DCDC1: variants seen among roughly 807,000 people sequenced by gnomAD.
DCDC1 encodes the protein doublecortin domain-containing protein 1.
Under a neutral mutation model 178.3 loss-of-function variants are expected in DCDC1, and 200 were observed. That is an observed-to-expected ratio of 1.12 (90% CI 1.00 to 1.26). DCDC1 has a LOEUF of 1.26. Among genes scored for constraint, DCDC1 ranks in the 50% most tolerant of loss-of-function variants. The pLI is 0.00. For missense variants in DCDC1, 1,983 were observed against 1,749.2 expected (o/e 1.13, Z -2.38); for synonymous variants, 690 against 604.8 (o/e 1.14, Z -2.07).
intron 10 of DCDC1, among the ~76,000 whole-genome samples, chr11:31,137,066 T>C (rs978033400): frequency 4.6e-5 from 7 of 152,294 alleles, no homozygotes; most frequent in Admixed American, 2.6e-4. Flanking sequence ...AAAATTTTTG[T>C]TTTTCCTATG....
chr11:31,019,707 C>A (rs1952740615), intron 20 of DCDC1, among the ~76,000 whole-genome samples: 1 of 152,110 alleles, frequency 6.6e-6, no homozygotes. Flanking sequence ...AAATCAAATC[C>A]AAACTCTGCC....
At chr11:30,994,825 A>G (rs561623702) in intron 20 of DCDC1, among the ~76,000 whole-genome samples, 12 of 148,636 alleles carry the variant, frequency 8.1e-5, no homozygotes, top group East Asian at 7.8e-4. Flanking sequence ...ATCATACTCA[A>G]TGGTGAGAGA....
intron 20 of DCDC1, among the ~76,000 whole-genome samples, chr11:31,028,196 T>C (rs1953371631): frequency 6.6e-6 from 1 of 151,904 alleles, no homozygotes; most frequent in African/African-American, 2.4e-5. Flanking sequence ...CCTAAAAGCA[T>C]CTCAAAATAA....
chr11:31,338,128 C>T (rs1950362622), intron 1 of DCDC1, among the ~76,000 whole-genome samples: 1 of 152,132 alleles, frequency 6.6e-6, no homozygotes, highest in Non-Finnish European at 1.5e-5. Flanking sequence ...CTCTGATGAA[C>T]TAATCAAGGA....
At chr11:31,299,521 C>A (rs915081362) in intron 6 of DCDC1, among the ~76,000 whole-genome samples, 10 of 152,022 alleles carry the variant, frequency 6.6e-5, no homozygotes, top group African/African-American at 1.9e-4. Flanking sequence ...TTATAAAAGG[C>A]CTTGATTTTG....
chr11:30,895,333 C>T (rs758798835), intron 34 of DCDC1, among the ~76,000 whole-genome samples: 4 of 152,030 alleles, frequency 2.6e-5, no homozygotes, highest in Non-Finnish European at 4.4e-5. Flanking sequence ...TGGGCTGCAC[C>T]GGGAAAGCAC....
In DCDC1 at chr11:31,125,773, CA is replaced by C. The variant is rs537094354; in HGVS notation, c.1485+1695del. On this transcript the variant is annotated intron_variant, in intron 11 of 38. Coordinates refer to ENST00000684477, the MANE Select transcript of DCDC1 (RefSeq NM_001387274.1). ...GGGATCAACACACACTGGGGCCCAT[CA>C]GGGGCGGTTGGGTGGGGGGTAGAGC... Among the ~76,000 whole-genome samples, 603 of 152,122 alleles carry C rather than the reference CA, an allele frequency of 4.0e-3. 3 individuals carry two copies. Among genetic ancestry groups the C allele is most frequent in the African/African-American group, 0.014 (572 of 41,522 alleles).
At chr11:30,942,017 T>G (rs1358214245) in intron 21 of DCDC1, among the ~76,000 whole-genome samples, 1 of 152,082 alleles carries the variant, frequency 6.6e-6, no homozygotes, top group East Asian at 1.9e-4. Context: ...TAAGAAAAAT[T>G]TGAACTACAG....
intron 20 of DCDC1, among the ~76,000 whole-genome samples, chr11:30,953,235 A>G (rs981766594): frequency 1.6e-4 from 24 of 148,694 alleles, no homozygotes; most frequent in African/African-American, 4.4e-4. Flanking sequence ...TCGACCACAT[A>G]TTATATTAAT....
intron 8 of DCDC1, among the ~76,000 whole-genome samples, chr11:31,257,404 C>T (rs2137038574): frequency 6.6e-6 from 1 of 152,180 alleles, no homozygotes; most frequent in South Asian, 2.1e-4. Flanking sequence ...GCTTCACCTA[C>T]AGAAAGGTGA....
intron 1 of DCDC1, among the ~76,000 whole-genome samples, chr11:31,347,150 G>C (rs1262017458): frequency 1.3e-5 from 2 of 152,170 alleles, no homozygotes; most frequent in South Asian, 4.1e-4. Flanking sequence ...GAGAATTCAA[G>C]TGGGACAGAG....
chr11:31,294,994 A>G (rs1947587101), intron 6 of DCDC1, among the ~76,000 whole-genome samples: 2 of 152,140 alleles, frequency 1.3e-5, no homozygotes, highest in Non-Finnish European at 2.9e-5. Flanking sequence ...GAAGATTCTC[A>G]GCAGGGTGCT....
rs548840211 is a variant in DCDC1 at position 30,913,526 on chromosome 11, C to G, written c.3653+1985G>C. Among the ~76,000 whole-genome samples the G allele has an allele frequency of 2.0e-5, 3 of 152,356 alleles. No individual in the cohort carries two copies. In the East Asian group the frequency reaches 5.8e-4, roughly 29 times the overall value. On this transcript the variant is annotated intron_variant, in intron 27 of 38. Coordinates refer to ENST00000684477, the MANE Select transcript of DCDC1 (RefSeq NM_001387274.1). ...CCCCCTGATGCTCCACCTCTTCTCT[C>G]TGGACTCTGACGTTTCCAATGACGG... is the stretch of plus-strand genomic sequence containing the variant.
chr11:30,925,693 TC>T (rs1201584322), intron 22 of DCDC1, among the ~76,000 whole-genome samples: 2 of 152,160 alleles, frequency 1.3e-5, no homozygotes, highest in Admixed American at 1.3e-4. Context: ...CTTAGCACAG[TC>T]CCAGACATGA....
chr11:30,885,408 G>A (rs2133998783), intron 36 of DCDC1, among the ~76,000 whole-genome samples: 1 of 151,870 alleles, frequency 6.6e-6, no homozygotes, highest in East Asian at 1.9e-4. Context: ...AAACTCCATA[G>A]ACACAATAGT....
At position 31,328,315 on chromosome 11, in the gene DCDC1, T is replaced by C. The variant is rs571780151; in HGVS notation, c.-6-29A>G. The C allele has an allele frequency of 9.1e-6, 14 of 1,530,080 alleles. No individual in the cohort carries two copies. The African/African-American group carries it at 1.9e-4, about 21-fold the overall frequency. The allele number at this position is 1,530,080 out of a possible 1,614,324, so 94.8% of individuals were successfully genotyped here. The stretch of plus-strand genomic sequence containing the variant: ...AAAATGATAAAGAATGTTATTTAAT[T>C]TTAAATGTAAAATCCTACTAGATTA... On this transcript the variant is annotated intron_variant, in intron 2 of 38. Transcript: ENST00000684477.
intron 10 of DCDC1, among the ~76,000 whole-genome samples, chr11:31,130,880 G>T (rs1435839811): frequency 6.6e-6 from 1 of 150,772 alleles, no homozygotes; most frequent in Non-Finnish European, 1.5e-5. Flanking sequence ...AAAAGAAAAT[G>T]AGATAAAGAA....
chr11:31,083,057 T>A (rs554961334), intron 17 of DCDC1, among the ~76,000 whole-genome samples: 1 of 152,226 alleles, frequency 6.6e-6, no homozygotes, highest in Non-Finnish European at 1.5e-5. Flanking sequence ...CTTAACATTA[T>A]ACAGCTACAC....
chr11:31,078,575 T>C (rs1300713880), intron 17 of DCDC1, among the ~76,000 whole-genome samples: 5 of 152,150 alleles, frequency 3.3e-5, no homozygotes, highest in African/African-American at 1.2e-4. Flanking sequence ...ACATCAAAGG[T>C]TGAGTATAAG....
Sources: allele counts gnomAD v4.1 joint callset (sites outside exome capture counted in the v4.1 genomes callset), GRCh38; gene constraint gnomAD v4.1.1; transcripts MANE v1.5; gene names NCBI Gene and HGNC (gene_info 2026-07-23, HGNC 2026-07-21).